LRRC3B: variants seen among roughly 807,000 people sequenced by gnomAD.
LRRC3B encodes leucine-rich repeat-containing protein 3B.
In LRRC3B, 2 loss-of-function variants were observed where a neutral mutation model predicts 12.8. The observed-to-expected ratio is 0.16, with a 90% CI of 0.06 to 0.49. The LOEUF (loss-of-function observed/expected upper bound fraction) is 0.49, where lower values mean the gene tolerates loss of function less well. LRRC3B is among the 20% of genes least tolerant of loss of function. The pLI is 0.96. For missense variants in LRRC3B, 189 were observed against 319.4 expected (o/e 0.59, Z 3.11); for synonymous variants, 132 against 122.0 (o/e 1.08, Z -0.54).
chr3:26,637,985 T>A (rs915626613), intron 1 of LRRC3B, among the ~76,000 whole-genome samples: 1 of 152,224 alleles, frequency 6.6e-6, no homozygotes, highest in East Asian at 1.9e-4. Flanking sequence ...TTATGAAGAA[T>A]CAAAAATTCT....
intron 1 of LRRC3B, among the ~76,000 whole-genome samples, chr3:26,656,518 C>T (rs535894667): frequency 6.6e-6 from 1 of 152,204 alleles, no homozygotes. Flanking sequence ...ATTTTATGGA[C>T]CAAGCTTCAG....
At chr3:26,650,678 A>C (rs995785871) in intron 1 of LRRC3B, among the ~76,000 whole-genome samples, 1 of 152,196 alleles carries the variant, frequency 6.6e-6, no homozygotes, top group Non-Finnish European at 1.5e-5. Context: ...GTTACTATTA[A>C]ATTTTAATAA....
intron 1 of LRRC3B, among the ~76,000 whole-genome samples, chr3:26,663,934 C>A (rs1262626565): frequency 6.6e-6 from 1 of 152,102 alleles, no homozygotes; most frequent in East Asian, 1.9e-4. Flanking sequence ...AAAATTGCCC[C>A]TTTTTAATTC....
chr3:26,684,400 C>T (rs1209271027), intron 1 of LRRC3B, among the ~76,000 whole-genome samples: 2 of 152,234 alleles, frequency 1.3e-5, no homozygotes, highest in African/African-American at 2.4e-5. Context: ...TCTGTGCTTA[C>T]TCTTTTCTAT....
At chr3:26,646,629 A>C (rs1016941187) in intron 1 of LRRC3B, among the ~76,000 whole-genome samples, 23 of 146,024 alleles carry the variant, frequency 1.6e-4, no homozygotes, top group African/African-American at 2.3e-4. Flanking sequence ...AAAAAAAAAA[A>C]AAAAAAACGG....
At chr3:26,677,209 G>T (rs953784751) in intron 1 of LRRC3B, among the ~76,000 whole-genome samples, 1 of 152,146 alleles carries the variant, frequency 6.6e-6, no homozygotes, top group Admixed American at 6.5e-5. Flanking sequence ...ACAGGGCTAT[G>T]CAAAAAATAA....
chr3:26,665,744 T>C (rs1374818832), intron 1 of LRRC3B, among the ~76,000 whole-genome samples: 3 of 152,152 alleles, frequency 2.0e-5, no homozygotes, highest in Non-Finnish European at 4.4e-5. Context: ...AGTCAAATCT[T>C]AGGTATACTT....
chr3:26,694,314 G>A (rs1559369801), intron 1 of LRRC3B, among the ~76,000 whole-genome samples: 1 of 152,106 alleles, frequency 6.6e-6, no homozygotes, highest in African/African-American at 2.4e-5. Context: ...AATATATTTG[G>A]GACAATCTGG....
At chr3:26,649,586 A>G (rs1423728785) in intron 1 of LRRC3B, among the ~76,000 whole-genome samples, 1 of 152,138 alleles carries the variant, frequency 6.6e-6, no homozygotes, top group Non-Finnish European at 1.5e-5. Flanking sequence ...TGAAGGTACA[A>G]TACCTCAACT....
At chr3:26,673,050 C>T (rs999552978) in intron 1 of LRRC3B, among the ~76,000 whole-genome samples, 57 of 152,244 alleles carry the variant, frequency 3.7e-4, no homozygotes, top group African/African-American at 1.3e-3. Context: ...AAATTTCTAG[C>T]CTCTGTATGT....
chr3:26,688,855 C>T lies in LRRC3B; in HGVS notation c.-160-20658C>T, dbSNP rs78800658. Among the ~76,000 whole-genome samples, 1,202 of 152,310 alleles carry T rather than the reference C, an allele frequency of 7.9e-3. 14 individuals are homozygous for T. Among genetic ancestry groups the T allele is most frequent in the African/African-American group, 0.028 (1,156 of 41,562 alleles). On this transcript the variant is annotated intron_variant, in intron 1 of 1. Coordinates refer to ENST00000396641, the Ensembl canonical transcript of LRRC3B. ...TCCCTGGCTAGAGTACAGTTTTTAACCACTTTGATTTGTGGCTGTAGAATG... is the reference window on the plus strand; with the variant it reads ...TCCCTGGCTAGAGTACAGTTTTTAATCACTTTGATTTGTGGCTGTAGAATG...
intron 1 of LRRC3B, chr3:26,625,445 G>A (rs1417996034): frequency 6.6e-6 from 1 of 152,318 alleles, no homozygotes; most frequent in Admixed American, 6.5e-5. Flanking sequence ...GAGCACAAAG[G>A]CCACACCCTC....
intron 1 of LRRC3B, among the ~76,000 whole-genome samples, chr3:26,646,493 A>C (rs940789673): frequency 6.6e-6 from 1 of 150,642 alleles, no homozygotes; most frequent in Non-Finnish European, 1.5e-5. Context: ...TCACCTTTTC[A>C]GTTTCCTCTG....
intron 1 of LRRC3B, among the ~76,000 whole-genome samples, chr3:26,644,132 A>T (rs538758234): frequency 1.3e-4 from 20 of 152,358 alleles, no homozygotes; most frequent in African/African-American, 4.8e-4. Flanking sequence ...TCTTAGGATG[A>T]GGAATCATTT....
chr3:26,686,247 T>C (rs978819040), intron 1 of LRRC3B, among the ~76,000 whole-genome samples: 1 of 152,038 alleles, frequency 6.6e-6, no homozygotes, highest in Non-Finnish European at 1.5e-5. Context: ...GCCCGGCTAA[T>C]TTTTTGTATT....
chr3:26,650,083 A>G (rs1184839545), intron 1 of LRRC3B, among the ~76,000 whole-genome samples: 1 of 152,170 alleles, frequency 6.6e-6, no homozygotes, highest in African/African-American at 2.4e-5. Context: ...TCTTCTGCCT[A>G]TATTTCTATG....
intron 1 of LRRC3B, among the ~76,000 whole-genome samples, chr3:26,693,821 AAAT>A (rs2125451587): frequency 6.6e-6 from 1 of 152,342 alleles, no homozygotes; most frequent in African/African-American, 2.4e-5. Flanking sequence ...TAATAGTATT[AAAT>A]AATCTTTTCA....
intron 1 of LRRC3B, among the ~76,000 whole-genome samples, chr3:26,671,361 T>TAGAG (rs1168710721): frequency 2.4e-4 from 12 of 49,256 alleles, no homozygotes; most frequent in South Asian, 8.2e-4. Flanking sequence ...TATATATATA[T>TAGAG]ATATATATAT....
intron 1 of LRRC3B, among the ~76,000 whole-genome samples, chr3:26,651,630 G>A (rs1208163298): frequency 1.3e-5 from 2 of 151,994 alleles, no homozygotes; most frequent in African/African-American, 4.8e-5. Flanking sequence ...TGAATGAAGT[G>A]TAGTAACATA....
Sources: allele counts gnomAD v4.1 joint callset (sites outside exome capture counted in the v4.1 genomes callset), GRCh38; gene constraint gnomAD v4.1.1; transcripts MANE v1.5; gene names NCBI Gene and HGNC (gene_info 2026-07-23, HGNC 2026-07-21).